The following FRMD4A variants were observed in gnomAD, a reference collection of about 807,000 sequenced individuals.
FRMD4A encodes FERM domain containing 4A.
A neutral mutation model predicts 129.1 loss-of-function variants in FRMD4A; 29 were observed. The ratio of observed to expected loss-of-function variants is 0.22; its 90% CI spans 0.17 to 0.31. The LOEUF is 0.31. FRMD4A is among the 10% of genes least tolerant of loss of function. FRMD4A has a pLI of 1.00. For missense variants in FRMD4A, 1,272 were observed against 1,375.8 expected (o/e 0.92, Z 1.19); for synonymous variants, 634 against 571.6 (o/e 1.11, Z -1.56).
intron 6 of FRMD4A, among the ~76,000 whole-genome samples, chr10:13,778,780 G>A (rs10796120): frequency 0.7 from 106,559 of 151,878 alleles, 37,902 homozygotes; most frequent in East Asian, 0.95. Context: ...CCTCCAGGGT[G>A]CACCATAGCC....
intron 2 of FRMD4A, among the ~76,000 whole-genome samples, chr10:14,265,619 C>T (rs1844950928): frequency 6.6e-6 from 1 of 152,200 alleles, no homozygotes; most frequent in Non-Finnish European, 1.5e-5. Context: ...CTGACGATTT[C>T]TCTAGTGATT....
At chr10:13,906,485 G>A (rs1051550639) in intron 2 of FRMD4A, among the ~76,000 whole-genome samples, 1 of 152,186 alleles carries the variant, frequency 6.6e-6, no homozygotes, top group Admixed American at 6.5e-5. Context: ...ATTGTGTAAT[G>A]TATAAAGAGG....
chr10:13,952,348 A>G (rs1239878933), intron 2 of FRMD4A, among the ~76,000 whole-genome samples: 1 of 151,902 alleles, frequency 6.6e-6, no homozygotes, highest in East Asian at 1.9e-4. Context: ...AAAATTTTTA[A>G]AAAGGAGCCA....
At chr10:13,799,310 G>GCCA (rs2093200036) in intron 4 of FRMD4A, among the ~76,000 whole-genome samples, 1 of 152,028 alleles carries the variant, frequency 6.6e-6, no homozygotes, top group Admixed American at 6.5e-5. Flanking sequence ...GGCGCAGGCC[G>GCCA]CCATGCCCAG....
chr10:14,019,735 ATGCCTTTGAGAACG>A (rs1249279689), intron 2 of FRMD4A, among the ~76,000 whole-genome samples: 1 of 152,272 alleles, frequency 6.6e-6, no homozygotes, highest in African/African-American at 2.4e-5. Context: ...GATGGGGCTG[ATGCCTTTGAGAACG>A]TGCCCATGCA....
chr10:14,170,410 T>C (rs981999626), intron 2 of FRMD4A, among the ~76,000 whole-genome samples: 2 of 152,172 alleles, frequency 1.3e-5, no homozygotes, highest in African/African-American at 4.8e-5. Context: ...CCAGATCCTC[T>C]CAGAAGATTT....
intron 2 of FRMD4A, among the ~76,000 whole-genome samples, chr10:14,089,633 A>AT (rs386370757): frequency 7.0e-6 from 1 of 143,014 alleles, no homozygotes; most frequent in African/African-American, 2.7e-5. Context: ...AAAAAAACAA[A>AT]AAAAAACAAA....
chr10:13,761,749 G>C (rs2092082642), intron 7 of FRMD4A, 80 bp from the exon 8 acceptor site: 1 of 933,844 alleles, frequency 1.1e-6, no homozygotes, highest in African/African-American at 1.6e-5. Context: ...ATAATCATGA[G>C]AGTTTCTCTA....
intron 2 of FRMD4A, among the ~76,000 whole-genome samples, chr10:14,275,470 T>G (rs545705088): frequency 3.3e-5 from 5 of 152,324 alleles, no homozygotes; most frequent in Non-Finnish European, 4.4e-5. Flanking sequence ...ACATGGTTGG[T>G]GGCTATCTGA....
chr10:14,040,227 C>T (rs749481450), intron 2 of FRMD4A, among the ~76,000 whole-genome samples: 2 of 152,042 alleles, frequency 1.3e-5, no homozygotes, highest in Non-Finnish European at 2.9e-5. Flanking sequence ...CTACACTGGG[C>T]TTGTGTGTGT....
intron 2 of FRMD4A, among the ~76,000 whole-genome samples, chr10:14,030,985 A>C (rs1833214175): frequency 6.6e-6 from 1 of 152,214 alleles, no homozygotes; most frequent in South Asian, 2.1e-4. Context: ...GAAGCAGGGA[A>C]ATGAGTGTCA....
At chr10:13,946,371 G>T (rs547202097) in intron 2 of FRMD4A, among the ~76,000 whole-genome samples, 1 of 152,184 alleles carries the variant, frequency 6.6e-6, no homozygotes, top group East Asian at 1.9e-4. Flanking sequence ...CCAAGTCAGC[G>T]AACGCTAGAG....
At chr10:14,118,119 T>C (rs1167873864) in intron 2 of FRMD4A, among the ~76,000 whole-genome samples, 1 of 152,182 alleles carries the variant, frequency 6.6e-6, no homozygotes, top group African/African-American at 2.4e-5. Flanking sequence ...TGCCAAAGAA[T>C]TTAAACTCCA....
chr10:13,814,239 G>A (rs1467700272), intron 3 of FRMD4A, among the ~76,000 whole-genome samples: 2 of 152,136 alleles, frequency 1.3e-5, no homozygotes, highest in Non-Finnish European at 2.9e-5. Flanking sequence ...GGGGATTATG[G>A]TGAGAGGTCT....
At chr10:14,176,513 T>A (rs1841733952) in intron 2 of FRMD4A, among the ~76,000 whole-genome samples, 1 of 145,832 alleles carries the variant, frequency 6.9e-6, no homozygotes, top group Non-Finnish European at 1.5e-5. Flanking sequence ...CTCCCTCTGT[T>A]GGCCAGGCTG....
chr10:14,097,945 T>A (rs1428479848), intron 2 of FRMD4A, among the ~76,000 whole-genome samples: 1 of 145,206 alleles, frequency 6.9e-6, no homozygotes, highest in Admixed American at 7.0e-5. Context: ...ATTACATATA[T>A]TATATACAAA....
chr10:13,888,085 A>C (rs1177082117), intron 2 of FRMD4A, among the ~76,000 whole-genome samples: 2 of 152,212 alleles, frequency 1.3e-5, no homozygotes, highest in Non-Finnish European at 2.9e-5. Flanking sequence ...TCCAAGAGCT[A>C]TTGTACCAAC....
intron 9 of FRMD4A, among the ~76,000 whole-genome samples, chr10:13,741,780 A>C (rs1365236278): frequency 6.6e-6 from 1 of 152,020 alleles, no homozygotes; most frequent in African/African-American, 2.4e-5. Context: ...CAAAAGCCCC[A>C]TAGGAATGCT....
chr10:13,940,009 C>T (rs2095278790), intron 2 of FRMD4A, among the ~76,000 whole-genome samples: 1 of 152,054 alleles, frequency 6.6e-6, no homozygotes, highest in African/African-American at 2.4e-5. Context: ...TGTGAGAAAA[C>T]AACTTAATAC....
Sources: gnomAD v4.1 joint callset for allele counts (sites outside exome capture counted in the v4.1 genomes callset) on GRCh38, gnomAD v4.1.1 for gene constraint, MANE v1.5 for transcripts, NCBI Gene and HGNC (gene_info 2026-07-23, HGNC 2026-07-21) for gene names.